Variants in LDLRAD3 observed in about 807,000 individuals in gnomAD.
LDLRAD3 encodes low density lipoprotein receptor class A domain containing 3.
In LDLRAD3, 20 loss-of-function variants were observed where a neutral mutation model predicts 29.4. The observed-to-expected ratio is 0.68, with a 90% confidence interval of 0.48 to 0.99. The LOEUF (loss-of-function observed/expected upper bound fraction) is 0.99, where lower values mean the gene tolerates loss of function less well. Among genes scored for constraint, LDLRAD3 ranks in the 50% least tolerant of loss-of-function variants. The probability of loss-of-function intolerance (pLI) is 0.00; values close to 1 mark genes in which losing one functional copy is unlikely to be tolerated. For missense variants in LDLRAD3, 420 were observed against 454.3 expected, an observed-to-expected ratio of 0.92 and a Z score of 0.69; for synonymous variants, 157 against 192.7, an observed-to-expected ratio of 0.81 and a Z score of 1.53.
At chr11:36,124,690 CT>C (rs771578777) in intron 4 of LDLRAD3, among the ~76,000 whole-genome samples, 311 of 142,910 alleles carry the variant, frequency 2.2e-3, no homozygotes, top group East Asian at 4.5e-3. Context: ...CTTTTCCTTT[CT>C]TTTTTTTTTT....
At chr11:36,147,600 A>AC (rs1241790007) in intron 4 of LDLRAD3, among the ~76,000 whole-genome samples, 2 of 152,084 alleles carry the variant, frequency 1.3e-5, no homozygotes, top group Admixed American at 1.3e-4. Context: ...ACACAGTTCA[A>AC]CCCCCTACAC....
chr11:36,075,478 G>A (rs570202240), intron 2 of LDLRAD3, among the ~76,000 whole-genome samples: 33 of 152,250 alleles, frequency 2.2e-4, no homozygotes, highest in African/African-American at 7.2e-4. Context: ...CTTGGCTGAG[G>A]TGGTATCTAC....
At chr11:36,144,309 C>T (rs1274560456) in intron 4 of LDLRAD3, among the ~76,000 whole-genome samples, 1 of 150,782 alleles carries the variant, frequency 6.6e-6, no homozygotes, top group Non-Finnish European at 1.5e-5. Flanking sequence ...CCTGCCTTGG[C>T]CCCCCAAAGT....
In LDLRAD3 at chr11:36,070,700, T is replaced by C. The variant is rs1476963211; in HGVS notation, c.194-10953T>C. On this transcript the variant is annotated intron_variant, in intron 2 of 5. Coordinates refer to ENST00000315571, the MANE Select transcript of LDLRAD3 (RefSeq NM_174902.4). Reference sequence around the variant, plus strand: ...AGATCCTTAGTGTGCTTAGTAAAAATGCAGATTCCCCTAGGGGAGAGACTC... The same window carrying C: ...AGATCCTTAGTGTGCTTAGTAAAAACGCAGATTCCCCTAGGGGAGAGACTC... 2.0e-5 allele frequency among the ~76,000 whole-genome samples: 3 copies of C among 152,266 alleles called. No homozygotes were observed. In the East Asian group the frequency reaches 5.8e-4, roughly 29 times the overall value.
At chr11:36,084,211 C>T (rs571925269) in intron 3 of LDLRAD3, among the ~76,000 whole-genome samples, 1 of 152,346 alleles carries the variant, frequency 6.6e-6, no homozygotes, top group East Asian at 1.9e-4. Flanking sequence ...AGGCATGAGC[C>T]ACCATGCCTG....
intron 1 of LDLRAD3, among the ~76,000 whole-genome samples, chr11:36,002,730 A>G (rs960363945): frequency 2.6e-5 from 4 of 152,180 alleles, no homozygotes; most frequent in African/African-American, 9.7e-5. Flanking sequence ...TAGCTTGCAA[A>G]AATGATTTTA....
chr11:35,962,914 T>C (rs1320782676), intron 1 of LDLRAD3, among the ~76,000 whole-genome samples: 1 of 152,130 alleles, frequency 6.6e-6, no homozygotes, highest in Non-Finnish European at 1.5e-5. Context: ...TGAGTGAAGA[T>C]ATGGAAATAA....
chr11:36,224,632 A>G (rs980578037), intron 4 of LDLRAD3, among the ~76,000 whole-genome samples: 13 of 152,200 alleles, frequency 8.5e-5, no homozygotes, highest in African/African-American at 2.9e-4. Context: ...GAATCATTGA[A>G]AGAGTGACCA....
chr11:36,222,527 C>T lies in LDLRAD3; in HGVS notation c.455-4558C>T, dbSNP rs532088598. ...TATACCTGTTTGCCTGAGACCTGGCCAGCAGTATATGAGCTCAAACTTTGC... is the reference window on the plus strand; with the variant it reads ...TATACCTGTTTGCCTGAGACCTGGCTAGCAGTATATGAGCTCAAACTTTGC... On this transcript the variant is annotated intron_variant, in intron 4 of 5. Coordinates refer to ENST00000315571, the MANE Select transcript of LDLRAD3 (RefSeq NM_174902.4). Among the ~76,000 whole-genome samples, 5 of 152,260 alleles carry T rather than the reference C, an allele frequency of 3.3e-5. No individual in the cohort carries two copies. In the East Asian group the frequency reaches 7.7e-4, roughly 24 times the overall value.
chr11:36,199,744 C>G (rs1380076791), intron 4 of LDLRAD3, among the ~76,000 whole-genome samples: 2 of 152,202 alleles, frequency 1.3e-5, no homozygotes, highest in Non-Finnish European at 2.9e-5. Context: ...TGATTTTTCT[C>G]TTATATTTTC....
chr11:36,223,211 C>T (rs1855453222), intron 4 of LDLRAD3, among the ~76,000 whole-genome samples: 1 of 152,138 alleles, frequency 6.6e-6, no homozygotes, highest in East Asian at 1.9e-4. Context: ...CAAATGTGAT[C>T]GCTGCGTCTC....
intron 4 of LDLRAD3, among the ~76,000 whole-genome samples, chr11:36,162,014 T>A (rs1385900745): frequency 6.6e-6 from 1 of 152,166 alleles, no homozygotes; most frequent in Non-Finnish European, 1.5e-5. Context: ...AAATCAGTAA[T>A]GAAAGAACTG....
At chr11:36,140,015 A>G (rs745384124) in intron 4 of LDLRAD3, among the ~76,000 whole-genome samples, 4 of 152,244 alleles carry the variant, frequency 2.6e-5, no homozygotes, top group African/African-American at 4.8e-5. Flanking sequence ...CATATCTCTT[A>G]TTGGGCTAAG....
At chr11:36,086,049 G>C (rs1853191246) in intron 3 of LDLRAD3, among the ~76,000 whole-genome samples, 1 of 151,998 alleles carries the variant, frequency 6.6e-6, no homozygotes, top group Non-Finnish European at 1.5e-5. Context: ...ATAGTGTTTT[G>C]TTTTGTTTAG....
At chr11:36,147,187 G>A (rs1405540543) in intron 4 of LDLRAD3, among the ~76,000 whole-genome samples, 1 of 125,910 alleles carries the variant, frequency 7.9e-6, no homozygotes, top group Non-Finnish European at 1.6e-5. Context: ...GCATGATCTC[G>A]GCTCACTGCA....
intron 4 of LDLRAD3, among the ~76,000 whole-genome samples, chr11:36,129,311 C>T (rs1433365340): frequency 2.0e-5 from 3 of 152,196 alleles, no homozygotes; most frequent in African/African-American, 7.2e-5. Flanking sequence ...GCAGAGGCTG[C>T]TGCAAGCAGG....
chr11:35,974,887 C>T (rs1248706285), intron 1 of LDLRAD3, among the ~76,000 whole-genome samples: 1 of 152,194 alleles, frequency 6.6e-6, no homozygotes, highest in Non-Finnish European at 1.5e-5. Context: ...AAGAGTCCAC[C>T]TGCCATCCTA....
chr11:36,117,832 T>C (rs1853696222), intron 4 of LDLRAD3, among the ~76,000 whole-genome samples: 1 of 152,218 alleles, frequency 6.6e-6, no homozygotes, highest in East Asian at 1.9e-4. Context: ...CAGATTATTA[T>C]GTAAGATATC....
At chr11:36,041,754 T>G (rs529319095) in intron 2 of LDLRAD3, among the ~76,000 whole-genome samples, 3 of 152,266 alleles carry the variant, frequency 2.0e-5, no homozygotes, top group Non-Finnish European at 4.4e-5. Context: ...GTTGAGGGGA[T>G]CTTGAATGTT....
Sources: allele counts gnomAD v4.1 joint callset (sites outside exome capture counted in the v4.1 genomes callset), GRCh38; gene constraint gnomAD v4.1.1; transcripts MANE v1.5; gene names NCBI Gene and HGNC (gene_info 2026-07-23, HGNC 2026-07-21).